Variants in RGS7 observed in about 807,000 individuals in gnomAD.
RGS7 encodes regulator of G-protein signaling 7.
RGS7 carries 27 observed loss-of-function variants against 81.1 expected under a neutral mutation model. The observed-to-expected ratio is 0.33, with a 90% CI of 0.25 to 0.46. The LOEUF (loss-of-function observed/expected upper bound fraction) is 0.46. RGS7 is among the 20% of genes least tolerant of loss of function. The pLI, the probability that RGS7 is intolerant of heterozygous loss-of-function variation, is 1.00. For missense variants in RGS7, 396 were observed against 607.4 expected, an observed-to-expected ratio of 0.65 and a Z score of 3.66; for synonymous variants, 208 against 207.7, an observed-to-expected ratio of 1.00 and a Z score of -0.01.
chr1:241,047,284 G>T (rs2060985181), intron 3 of RGS7, among the ~76,000 whole-genome samples: 1 of 152,148 alleles, frequency 6.6e-6, no homozygotes. Flanking sequence ...TAGCTTCATA[G>T]TTTCCCCACA....
Position 241,164,946 on chromosome 1 carries a change from T to C in RGS7, c.79-66184A>G, listed in dbSNP as rs2070067140. Among the ~76,000 whole-genome samples the C allele has an allele frequency of 6.6e-6, 1 of 152,328 alleles. No individual in the cohort carries two copies. Among genetic ancestry groups the C allele is most frequent in the East Asian group, 1.9e-4 (1 of 5,190 alleles). On this transcript the variant is annotated intron_variant, in intron 2 of 18. Coordinates refer to ENST00000440928, the MANE Select transcript of RGS7 (RefSeq NM_001364886.1). The surrounding 1 kb of genome is among the most constrained non-coding windows in gnomAD (Gnocchi z 4.1). The stretch of plus-strand genomic sequence containing the variant: ...ATAATCGTAGAACTGAACTGTGTCA[T>C]TCACATGCTGTCATATCCATCACAT...
chr1:241,352,886 C>T (rs2083333891), intron 2 of RGS7, among the ~76,000 whole-genome samples: 1 of 152,194 alleles, frequency 6.6e-6, no homozygotes, highest in South Asian at 2.1e-4. Flanking sequence ...AACCAATAGC[C>T]TATGAAGATA....
intron 2 of RGS7, among the ~76,000 whole-genome samples, chr1:241,330,854 C>T (rs969367096): frequency 2.0e-5 from 3 of 152,128 alleles, no homozygotes; most frequent in Non-Finnish European, 1.5e-5. Flanking sequence ...TTGAGTGATG[C>T]TTTCAATAAA....
At chr1:241,292,729 C>T (rs1214947048) in intron 2 of RGS7, among the ~76,000 whole-genome samples, 1 of 152,014 alleles carries the variant, frequency 6.6e-6, no homozygotes, top group Non-Finnish European at 1.5e-5. Context: ...CCTAATCTGT[C>T]GTGAACATTC....
intron 2 of RGS7, among the ~76,000 whole-genome samples, chr1:241,159,164 G>A (rs1209373428): frequency 6.6e-6 from 1 of 152,028 alleles, no homozygotes; most frequent in Non-Finnish European, 1.5e-5. Flanking sequence ...TATATCAATT[G>A]CTTGCCTAAG....
At chr1:241,058,693 T>A (rs1431745126) in intron 3 of RGS7, among the ~76,000 whole-genome samples, 1 of 152,250 alleles carries the variant, frequency 6.6e-6, no homozygotes, top group Non-Finnish European at 1.5e-5. Context: ...GTAAAGACGA[T>A]GTTCATCTTT....
chr1:241,234,793 C>T (rs537918984), intron 2 of RGS7, among the ~76,000 whole-genome samples: 43 of 151,970 alleles, frequency 2.8e-4, no homozygotes, highest in Non-Finnish European at 3.5e-4. Context: ...TGGTGCTGTG[C>T]CAAACACATA....
chr1:241,355,782 C>A lies in RGS7; in HGVS notation c.-6G>T, dbSNP rs371884125. 5 of 1,613,726 alleles carry A rather than the reference C, an allele frequency of 3.1e-6. No homozygotes were observed. In the African/African-American group the frequency reaches 6.7e-5, roughly 22 times the overall value. On this transcript the variant is annotated 5_prime_UTR_variant, in exon 2 of 19. Coordinates refer to ENST00000440928, the MANE Select transcript of RGS7 (RefSeq NM_001364886.1). ...TAATTATTCCCCTGGGCCATGTCAC[C>A]CAAAACTTGGTCCACTCTCAAGATA...
chr1:240,824,167 A>G (rs1192058271), intron 10 of RGS7, among the ~76,000 whole-genome samples: 1 of 152,202 alleles, frequency 6.6e-6, no homozygotes, highest in Non-Finnish European at 1.5e-5. Flanking sequence ...ACATTCAACA[A>G]TTAGATACAA....
At chr1:240,848,633 GT>G (rs5782165) in intron 9 of RGS7, among the ~76,000 whole-genome samples, 30 of 149,062 alleles carry the variant, frequency 2.0e-4, no homozygotes, top group Non-Finnish European at 2.8e-4. Context: ...ATAACGAGAG[GT>G]TTTTTTTTTT....
chr1:241,338,130 T>C (rs1377466967), intron 2 of RGS7, among the ~76,000 whole-genome samples: 1 of 152,158 alleles, frequency 6.6e-6, no homozygotes, highest in African/African-American at 2.4e-5. Flanking sequence ...ATTTTTTATA[T>C]ATTGAGGTGC....
intron 2 of RGS7, among the ~76,000 whole-genome samples, chr1:241,320,525 CTGTT>C (rs1295370814): frequency 6.6e-6 from 1 of 152,236 alleles, no homozygotes; most frequent in Admixed American, 6.5e-5. Context: ...AAGTGACTGG[CTGTT>C]TGACTCGAGT....
At chr1:241,005,505 C>A (rs115252909) in intron 3 of RGS7, among the ~76,000 whole-genome samples, 3,823 of 152,124 alleles carry the variant, frequency 0.025, 154 homozygotes, top group African/African-American at 0.085. Context: ...AAATCTCACA[C>A]TATGCACTTG....
chr1:241,097,556 T>C (rs1034796531), intron 3 of RGS7, among the ~76,000 whole-genome samples: 88 of 152,222 alleles, frequency 5.8e-4, no homozygotes, highest in African/African-American at 2.0e-3. Context: ...GGAAGCAGCC[T>C]GCAACCCCTG....
intron 2 of RGS7, among the ~76,000 whole-genome samples, chr1:241,343,581 A>C (rs1007125674): frequency 1.3e-5 from 2 of 152,220 alleles, no homozygotes; most frequent in East Asian, 1.9e-4. Context: ...ATATAATACA[A>C]GTGAAATAAG....
intron 9 of RGS7, among the ~76,000 whole-genome samples, chr1:240,858,303 A>C (rs1661527271): frequency 6.6e-6 from 1 of 152,216 alleles, no homozygotes; most frequent in South Asian, 2.1e-4. Flanking sequence ...TTAGTTTTAT[A>C]GGAAACTCCC....
chr1:240,944,346 G>A (rs1248874778), intron 4 of RGS7, among the ~76,000 whole-genome samples: 1 of 122,592 alleles, frequency 8.2e-6, no homozygotes, highest in Non-Finnish European at 1.6e-5. Flanking sequence ...TAGGTGCATA[G>A]AATAGTATTC....
chr1:240,948,767 G>A (rs1235917230), intron 4 of RGS7, among the ~76,000 whole-genome samples: 1 of 151,398 alleles, frequency 6.6e-6, no homozygotes, highest in Admixed American at 6.6e-5. Flanking sequence ...TTTTTTAAAC[G>A]TAATATTGTT....
rs556545890 is a variant in RGS7 at position 240,949,388 on chromosome 1, C to T, written c.227-12682G>A. ...ATCCACCCATCTGCTATCCACTCAT[C>T]CACCATCCATTCACCCATCTGCTGT... On this transcript the variant is annotated intron_variant, in intron 4 of 18. Coordinates refer to ENST00000440928, the MANE Select transcript of RGS7 (RefSeq NM_001364886.1). 3.3e-5 allele frequency among the ~76,000 whole-genome samples: 5 copies of T among 152,264 alleles called. No individual in the cohort carries two copies. In the South Asian group the frequency reaches 8.3e-4, roughly 25 times the overall value.
Sources: gnomAD v4.1 joint callset for allele counts (sites outside exome capture counted in the v4.1 genomes callset) on GRCh38, gnomAD v4.1.1 for gene constraint, Gnocchi (gnomAD v3.1) non-coding constraint, MANE v1.5 for transcripts, NCBI Gene and HGNC (gene_info 2026-07-23, HGNC 2026-07-21) for gene names.